The following MDGA2 variants were observed in gnomAD, a reference collection of about 807,000 sequenced individuals.
MDGA2 encodes MAM domain containing glycosylphosphatidylinositol anchor 2.
Under a neutral mutation model 117.8 loss-of-function variants are expected in MDGA2, and 40 were observed. The observed-to-expected ratio is 0.34, with a 90% CI of 0.26 to 0.44. MDGA2 has a LOEUF of 0.44. MDGA2 is among the 20% of genes least tolerant of loss of function. The probability of loss-of-function intolerance (pLI) is 1.00; values close to 1 mark genes in which losing one functional copy is unlikely to be tolerated. For missense variants in MDGA2, 1,123 were observed against 1,250.6 expected (o/e 0.90, Z 1.54); for synonymous variants, 452 against 439.0 (o/e 1.03, Z -0.37).
chr14:47,502,520 C>T (rs1184566175), intron 1 of MDGA2, among the ~76,000 whole-genome samples: 2 of 152,084 alleles, frequency 1.3e-5, no homozygotes, highest in East Asian at 3.9e-4. Context: ...TCAAGCCATA[C>T]CTTTTAGGAT....
chr14:47,612,301 C>T (rs922148467), intron 1 of MDGA2, among the ~76,000 whole-genome samples: 2 of 152,022 alleles, frequency 1.3e-5, no homozygotes, highest in African/African-American at 2.4e-5. Flanking sequence ...TAAAGTGTGA[C>T]ACCCCACAGT....
At chr14:46,897,698 CT>C (rs1883134336) in intron 10 of MDGA2, among the ~76,000 whole-genome samples, 1 of 118,474 alleles carries the variant, frequency 8.4e-6, no homozygotes, top group Admixed American at 9.4e-5. Context: ...ATAACATCTT[CT>C]ATTCCTACTA....
At chr14:47,342,256 T>A (rs932632267) in intron 1 of MDGA2, among the ~76,000 whole-genome samples, 27 of 134,070 alleles carry the variant, frequency 2.0e-4, no homozygotes, top group African/African-American at 6.6e-4. Flanking sequence ...CACAAAATGT[T>A]TATATATATA....
intron 1 of MDGA2, among the ~76,000 whole-genome samples, chr14:47,613,037 A>G (rs938868353): frequency 6.6e-6 from 1 of 152,170 alleles, no homozygotes; most frequent in African/African-American, 2.4e-5. Context: ...GAATCTCAGA[A>G]AGCCGTTCAC....
chr14:47,637,544 T>A (rs1897346043), intron 1 of MDGA2, among the ~76,000 whole-genome samples: 2 of 152,188 alleles, frequency 1.3e-5, no homozygotes, highest in African/African-American at 4.8e-5. Context: ...TGGTGAAACT[T>A]CAAGGAAATA....
chr14:47,167,998 T>A (rs567383560), intron 3 of MDGA2, among the ~76,000 whole-genome samples: 1 of 152,300 alleles, frequency 6.6e-6, no homozygotes, highest in Non-Finnish European at 1.5e-5. Flanking sequence ...AGACACATTG[T>A]TTATGGATAA....
intron 6 of MDGA2, among the ~76,000 whole-genome samples, chr14:47,092,204 A>G (rs1879699590): frequency 6.6e-6 from 1 of 152,170 alleles, no homozygotes; most frequent in South Asian, 2.1e-4. Flanking sequence ...GGATCTGATT[A>G]AAAGTATATT....
chr14:47,585,821 A>G (rs1896315050), intron 1 of MDGA2, among the ~76,000 whole-genome samples: 1 of 151,974 alleles, frequency 6.6e-6, no homozygotes, highest in East Asian at 1.9e-4. Context: ...TCCACTGTGT[A>G]TCACCTTCCT....
At chr14:46,957,299 T>TTA in intron 9 of MDGA2, 75 bp downstream of exon 9, 1 of 1,403,222 alleles carries the variant, frequency 7.1e-7, no homozygotes, top group East Asian at 2.3e-5. Context: ...GTTTTCATTC[T>TTA]TATATTGACA....
chr14:47,109,847 G>A (rs2139049661), intron 5 of MDGA2, among the ~76,000 whole-genome samples: 1 of 152,280 alleles, frequency 6.6e-6, no homozygotes, highest in African/African-American at 2.4e-5. Context: ...TTGGGAGGCT[G>A]AGGCAAGATA....
At chr14:47,401,207 T>A (rs1359188219) in intron 1 of MDGA2, among the ~76,000 whole-genome samples, 1 of 152,102 alleles carries the variant, frequency 6.6e-6, no homozygotes, top group East Asian at 1.9e-4. Flanking sequence ...ATCTATTTAG[T>A]TTATCATTAA....
chr14:47,301,005 A>G (rs1404220792), intron 2 of MDGA2, among the ~76,000 whole-genome samples: 2 of 152,148 alleles, frequency 1.3e-5, no homozygotes, highest in African/African-American at 2.4e-5. Context: ...CACATTCTTC[A>G]GAACAAATAC....
At chr14:46,882,292 A>G (rs1882491844) in intron 10 of MDGA2, 71 bp from the exon 11 acceptor site, 1 of 1,323,284 alleles carries the variant, frequency 7.6e-7, no homozygotes, top group African/African-American at 1.5e-5. Flanking sequence ...ATTGAAAACA[A>G]ATTTTGAAAT....
intron 1 of MDGA2, among the ~76,000 whole-genome samples, chr14:47,650,592 T>C (rs1897621518): frequency 1.3e-5 from 2 of 152,168 alleles, no homozygotes; most frequent in South Asian, 2.1e-4. Flanking sequence ...CACCCTGTGA[T>C]GGAAAGGCAA....
At position 47,262,854 on chromosome 14, in the gene MDGA2, T is replaced by C. The variant is rs537334564; in HGVS notation, c.420+38557A>G. 2.3e-4 allele frequency among the ~76,000 whole-genome samples: 35 copies of C among 152,290 alleles called. No individual in the cohort carries two copies. In the South Asian group the frequency reaches 6.4e-3, roughly 28 times the overall value. On this transcript the variant is annotated intron_variant, in intron 2 of 16. Transcript: ENST00000399232. ...CTCTCTTTATGAAAATTTGGCTTTCTTTACAGCTTTCTAACAAGGAAAAAA... is the reference window on the plus strand; with the variant it reads ...CTCTCTTTATGAAAATTTGGCTTTCCTTACAGCTTTCTAACAAGGAAAAAA...
intron 14 of MDGA2, among the ~76,000 whole-genome samples, chr14:46,859,403 C>T (rs916741585): frequency 1.3e-5 from 2 of 152,198 alleles, no homozygotes; most frequent in Non-Finnish European, 2.9e-5. Flanking sequence ...GAACCCCATA[C>T]AGACTTTTGG....
rs58347137 is a variant in MDGA2 at position 46,981,171 on chromosome 14, A to AGGGG, written c.1820-23532_1820-23529dup. Among the ~76,000 whole-genome samples the AGGGG allele has an allele frequency of 6.7e-3, 1,016 of 150,940 alleles. 1 individual carries two copies. The highest frequency in any genetic ancestry group is 8.5e-3 in the Non-Finnish European group (575 of 67,700). On this transcript the variant is annotated intron_variant, in intron 8 of 16. Transcript: ENST00000399232. The stretch of plus-strand genomic sequence containing the variant: ...GTAATCCCAGCACTTTGGGAGGCCA[A>AGGGG]GGGGGGGGCGGATCATGAGGTCAGG...
intron 1 of MDGA2, among the ~76,000 whole-genome samples, chr14:47,386,239 C>T (rs947402634): frequency 6.6e-6 from 1 of 152,060 alleles, no homozygotes; most frequent in Non-Finnish European, 1.5e-5. Flanking sequence ...CGAGATCGCA[C>T]CATGCACTCC....
chr14:47,400,064 C>A (rs1455182348), intron 1 of MDGA2, among the ~76,000 whole-genome samples: 1 of 152,058 alleles, frequency 6.6e-6, no homozygotes, highest in East Asian at 1.9e-4. Flanking sequence ...TAAAAATAAC[C>A]TTGTTGACAG....
Sources: gnomAD v4.1 joint callset for allele counts (sites outside exome capture counted in the v4.1 genomes callset) on GRCh38, gnomAD v4.1.1 for gene constraint, MANE v1.5 for transcripts, NCBI Gene and HGNC (gene_info 2026-07-23, HGNC 2026-07-21) for gene names.